The following BTBD9 variants were observed in gnomAD, a reference collection of about 807,000 sequenced individuals.
The protein encoded by BTBD9 is BTB domain containing 9.
Under a neutral mutation model 64.3 loss-of-function variants are expected in BTBD9, and 49 were observed. The ratio of observed to expected loss-of-function variants is 0.76; its 90% CI spans 0.61 to 0.97. BTBD9 has a LOEUF of 0.97. Ranked by LOEUF, BTBD9 falls within the 50% of genes least tolerant of loss-of-function variation. BTBD9 has a pLI of 0.00. For synonymous variants in BTBD9, 260 were observed against 274.7 expected, an observed-to-expected ratio of 0.95 and a Z score of 0.53; for missense variants, 598 against 762.1, an observed-to-expected ratio of 0.78 and a Z score of 2.53.
At chr6:38,557,622 G>A (rs2127453931) in intron 6 of BTBD9, among the ~76,000 whole-genome samples, 1 of 152,230 alleles carries the variant, frequency 6.6e-6, no homozygotes. Flanking sequence ...CAGGCATTAT[G>A]ACAACAATGT....
chr6:38,364,063 A>G (rs1765089710), intron 6 of BTBD9, among the ~76,000 whole-genome samples: 1 of 152,198 alleles, frequency 6.6e-6, no homozygotes, highest in Non-Finnish European at 1.5e-5. Flanking sequence ...CAAGTCACTT[A>G]AAATTGGACA....
chr6:38,357,718 C>T (rs1764785910), intron 6 of BTBD9, among the ~76,000 whole-genome samples: 1 of 152,094 alleles, frequency 6.6e-6, no homozygotes, highest in Admixed American at 6.5e-5. Flanking sequence ...GACAACAATA[C>T]AGGAGACGAT....
chr6:38,592,447 C>T (rs1303281012), intron 4 of BTBD9, 129 bp downstream of exon 4: 18 of 1,006,272 alleles, frequency 1.8e-5, no homozygotes, highest in Non-Finnish European at 2.6e-5. Context: ...ATTCCATAGG[C>T]TAGCTGTTTA....
At chr6:38,580,967 C>A (rs560389532) in intron 4 of BTBD9, among the ~76,000 whole-genome samples, 1 of 151,896 alleles carries the variant, frequency 6.6e-6, no homozygotes, top group African/African-American at 2.4e-5. Flanking sequence ...CCGAGGTGGG[C>A]GGATCACCTG....
At chr6:38,252,676 G>A (rs952275269) in intron 9 of BTBD9, among the ~76,000 whole-genome samples, 4 of 152,284 alleles carry the variant, frequency 2.6e-5, no homozygotes, top group Non-Finnish European at 5.9e-5. Flanking sequence ...AAAGATGTTG[G>A]TAATTTAATG....
chr6:38,202,824 C>G (rs1051761686), intron 9 of BTBD9, among the ~76,000 whole-genome samples: 1 of 152,068 alleles, frequency 6.6e-6, no homozygotes, highest in African/African-American at 2.4e-5. Flanking sequence ...ATAGGGAAAC[C>G]AGTTCAGGAT....
In BTBD9 at chr6:38,564,785, G is replaced by A. The variant is rs554547556; in HGVS notation, c.1154+12815C>T. On this transcript the variant is annotated intron_variant, in intron 6 of 10. Coordinates refer to ENST00000481247, the MANE Select transcript of BTBD9 (RefSeq NM_001099272.2). Reference sequence around the variant, plus strand: ...TAGGCACCTGTAATCCCAGCTACTCGGGAGGCTGAGGCAGGAGAATCGCAT... The same window carrying A: ...TAGGCACCTGTAATCCCAGCTACTCAGGAGGCTGAGGCAGGAGAATCGCAT... Among the ~76,000 whole-genome samples, 939 of 152,116 alleles carry A rather than the reference G, an allele frequency of 6.2e-3. 6 individuals carry two copies. The highest frequency in any genetic ancestry group is 0.01 in the Non-Finnish European group (692 of 67,948).
intron 8 of BTBD9, among the ~76,000 whole-genome samples, chr6:38,286,332 C>G (rs1252567544): frequency 6.6e-6 from 1 of 152,142 alleles, no homozygotes; most frequent in South Asian, 2.1e-4. Flanking sequence ...ATCAATAAAC[C>G]TTTGCTTATT....
rs9349091 is a variant in BTBD9, at chr6:38,596,166, C to G, written c.185+1744G>C. The G allele has an allele frequency of 3.0e-5, 18 of 595,262 alleles. No homozygotes were observed. In the East Asian group the frequency reaches 2.1e-3, roughly 71 times the overall value. The allele number at this position is 595,262 out of a possible 1,614,324, so 36.9% of individuals were successfully genotyped here. ...AATACAGTCAGCATTGAGAACCTGT[C>G]TAAGGTAGCATTGAGCTTAGCTCTA... On this transcript the variant is annotated intron_variant, in intron 2 of 10. Coordinates refer to ENST00000481247, the MANE Select transcript of BTBD9 (RefSeq NM_001099272.2).
chr6:38,438,345 G>A (rs753627726), intron 6 of BTBD9, among the ~76,000 whole-genome samples: 26 of 152,132 alleles, frequency 1.7e-4, no homozygotes, highest in Non-Finnish European at 3.5e-4. Flanking sequence ...CTCAGCATAA[G>A]CCTGGGCAGC....
intron 6 of BTBD9, among the ~76,000 whole-genome samples, chr6:38,473,923 G>A (rs1321738114): frequency 1.3e-5 from 2 of 152,126 alleles, no homozygotes; most frequent in Non-Finnish European, 2.9e-5. Flanking sequence ...ACTAGGGGAA[G>A]AGTATTCTAG....
At chr6:38,359,714 T>G (rs62397031) in intron 6 of BTBD9, among the ~76,000 whole-genome samples, 18,628 of 151,844 alleles carry the variant, frequency 0.12, 1,269 homozygotes, top group Non-Finnish European at 0.14. Flanking sequence ...GAAGGAAAGG[T>G]GGGGGAAAGT....
chr6:38,517,526 T>G (rs1773089928), intron 6 of BTBD9, among the ~76,000 whole-genome samples: 2 of 152,124 alleles, frequency 1.3e-5, no homozygotes, highest in South Asian at 4.2e-4. Context: ...CACAGTGTAG[T>G]ACATGGGATC....
rs117157309 is a variant in BTBD9 at position 38,462,431 on chromosome 6, C to T, written c.1154+115169G>A. Among the ~76,000 whole-genome samples, 184 of 152,318 alleles carry T rather than the reference C, an allele frequency of 1.2e-3. 2 individuals are homozygous for T. The South Asian group carries it at 0.018, about 15-fold the overall frequency. On this transcript the variant is annotated intron_variant, in intron 6 of 10. Transcript: ENST00000481247. ...TCTTTTTTCCACTGAATTGCCTTTG[C>T]ACCTTTGTTGAAAAGCAGTTGTCCA...
At chr6:38,348,203 G>A (rs565488999) in intron 6 of BTBD9, among the ~76,000 whole-genome samples, 1 of 152,300 alleles carries the variant, frequency 6.6e-6, no homozygotes, top group South Asian at 2.1e-4. Flanking sequence ...GATAGGAATG[G>A]GAGAGTCCTC....
At position 38,592,848 on chromosome 6, in the gene BTBD9, G is replaced by T. The variant is rs916493188; in HGVS notation, c.550-8C>A. On this transcript the variant is annotated splice_region_variant and splice_polypyrimidine_tract_variant and intron_variant, in intron 3 of 10. Transcript: ENST00000481247. Reference sequence around the variant, plus strand: ...GATGTTTAAAAGTGCTGTCTGAAAAGGATAAAAAGGTAAAATTCCAGTTAT... The same window carrying T: ...GATGTTTAAAAGTGCTGTCTGAAAATGATAAAAAGGTAAAATTCCAGTTAT... 41 of 1,612,224 alleles carry T rather than the reference G, an allele frequency of 2.5e-5. No individual in the cohort carries two copies. The East Asian group carries it at 8.9e-4, about 35-fold the overall frequency.
intron 6 of BTBD9, among the ~76,000 whole-genome samples, chr6:38,509,469 T>C (rs1454949437): frequency 1.3e-5 from 2 of 152,208 alleles, no homozygotes; most frequent in African/African-American, 4.8e-5. Context: ...ACCTTATAAA[T>C]ACTGGCTGGA....
At chr6:38,533,673 T>A (rs1213681485) in intron 6 of BTBD9, among the ~76,000 whole-genome samples, 2 of 152,148 alleles carry the variant, frequency 1.3e-5, no homozygotes, top group Non-Finnish European at 2.9e-5. Flanking sequence ...TTCAAAAAAT[T>A]AAAATAATAT....
At chr6:38,585,539 G>A (rs1019807107) in intron 4 of BTBD9, among the ~76,000 whole-genome samples, 2 of 152,092 alleles carry the variant, frequency 1.3e-5, no homozygotes, top group Non-Finnish European at 2.9e-5. Context: ...TGAACCCCTT[G>A]CCTCAAGCGG....
Sources: allele counts gnomAD v4.1 joint callset (sites outside exome capture counted in the v4.1 genomes callset), GRCh38; gene constraint gnomAD v4.1.1; transcripts MANE v1.5; gene names NCBI Gene and HGNC (gene_info 2026-07-23, HGNC 2026-07-21).